Variants in CPNE2 observed in about 807,000 individuals in gnomAD.
CPNE2 encodes the protein copine 2.
Under a neutral mutation model 69.7 loss-of-function variants are expected in CPNE2, and 42 were observed. The observed-to-expected ratio is 0.60, with a 90% confidence interval of 0.47 to 0.78. CPNE2 has a LOEUF of 0.78. Among genes scored for constraint, CPNE2 ranks in the 30% least tolerant of loss-of-function variants. CPNE2 has a pLI of 0.00. For missense variants in CPNE2, 587 were observed against 732.0 expected (o/e 0.80, Z 2.29); for synonymous variants, 294 against 289.8 (o/e 1.01, Z -0.15).
intron 11 of CPNE2, among the ~76,000 whole-genome samples, chr16:57,126,710 A>T (rs1278008370): frequency 6.6e-6 from 1 of 152,126 alleles, no homozygotes. Context: ...CAGGCTCAGG[A>T]GCCCTGTGTG....
intron 12 of CPNE2, 125 bp downstream of exon 12, chr16:57,128,028 C>G (rs2069812748): frequency 2.2e-6 from 2 of 891,410 alleles, no homozygotes; most frequent in Non-Finnish European, 3.6e-6. Context: ...TGTGTTCACC[C>G]CAGGCCACGC....
chr16:57,140,435 G>T (rs2069913145), intron 14 of CPNE2, among the ~76,000 whole-genome samples: 1 of 152,048 alleles, frequency 6.6e-6, no homozygotes, highest in Non-Finnish European at 1.5e-5. Flanking sequence ...GCCTCCCAAA[G>T]TGCTGGGATT....
chr16:57,147,554 G>A lies in CPNE2; in HGVS notation c.1543G>A (p.Ala515Thr). 1 of 1,599,464 alleles carries A rather than the reference G, an allele frequency of 6.3e-7. No individual in the cohort carries two copies. The highest frequency in any genetic ancestry group is 8.5e-7 in the Non-Finnish European group (1 of 1,170,448). ...FVPFREFRNA[A>T]KETLAKAVLA... ...CCCACCCTCCTCCACCCTGCAGGCAGCAAAAGAGACCTTGGCCAAAGCTGT... is the reference window on the plus strand; with the variant it reads ...CCCACCCTCCTCCACCCTGCAGGCAACAAAAGAGACCTTGGCCAAAGCTGT... The change falls in exon 16 of 16, where the codon GCA becomes ACA. Residue 515 changes from alanine to threonine, a missense_variant. Ala to Thr is a moderately conservative substitution (Grantham distance 58, BLOSUM62 0). Transcript: ENST00000290776.
rs55845635 is a variant in CPNE2 at position 57,114,934 on chromosome 16, C to CAAAAAAAA, written c.361-523_361-516dup. On this transcript the variant is annotated intron_variant, in intron 3 of 15. Coordinates refer to ENST00000290776, the MANE Select transcript of CPNE2 (RefSeq NM_152727.6). ...CAACATAATGAGCCCTTGTCTCTACCAAAAAAAAAAAAAAAAAAAAAAAAA... is the reference window on the plus strand; with the variant it reads ...CAACATAATGAGCCCTTGTCTCTACCAAAAAAAAAAAAAAAAAAAAAAAAAAAAAAAAA... Among the ~76,000 whole-genome samples the CAAAAAAAA allele has an allele frequency of 1.1e-3, 44 of 39,068 alleles. 11 individuals are homozygous for CAAAAAAAA. The highest frequency in any genetic ancestry group is 7.5e-3 in the East Asian group (7 of 932). 25.6% of individuals were successfully genotyped at this position (39,068 alleles called of 152,430 possible).
chr16:57,147,496 C>T (rs1023396823), intron 15 of CPNE2, 55 bp from the exon 16 acceptor site: 31 of 1,307,960 alleles, frequency 2.4e-5, no homozygotes, highest in Middle Eastern at 1.9e-4. Context: ...TCACAACTTC[C>T]GGTCATTAAT....
At chr16:57,128,684 C>T (rs1485727768) in intron 12 of CPNE2, among the ~76,000 whole-genome samples, 1 of 152,122 alleles carries the variant, frequency 6.6e-6, no homozygotes, top group Non-Finnish European at 1.5e-5. Context: ...GAAATATGGA[C>T]TTTTAGTGTA....
chr16:57,144,044 T>TATTGAGG (rs2069940381), intron 14 of CPNE2: 1 of 152,144 alleles, frequency 6.6e-6, no homozygotes, highest in Non-Finnish European at 1.5e-5. Context: ...TTTCTGATGG[T>TATTGAGG]ATTGAGGTGG....
chr16:57,103,545 GGAATGGGGGCT>G (rs1326942760), intron 1 of CPNE2, among the ~76,000 whole-genome samples: 3 of 152,172 alleles, frequency 2.0e-5, no homozygotes, highest in Non-Finnish European at 4.4e-5. Context: ...ACCAGCCTCT[GGAATGGGGGCT>G]GCCTCCCTGG....
chr16:57,124,538 A>C, intron 10 of CPNE2: 1 of 353,220 alleles, frequency 2.8e-6, no homozygotes, highest in Middle Eastern at 4.5e-4. Context: ...ATCACACAGT[A>C]ACTGGCACAT....
intron 4 of CPNE2, among the ~76,000 whole-genome samples, chr16:57,116,694 T>G (rs898511713): frequency 6.6e-6 from 1 of 151,920 alleles, no homozygotes; most frequent in Non-Finnish European, 1.5e-5. Flanking sequence ...CCCTGGGAAA[T>G]GGGGGTGATA....
chr16:57,109,532 G>C (rs1467966579), intron 1 of CPNE2, among the ~76,000 whole-genome samples: 3 of 151,858 alleles, frequency 2.0e-5, no homozygotes, highest in African/African-American at 7.3e-5. Flanking sequence ...CATAGACAGA[G>C]TAGCCCCAAG....
chr16:57,137,474 G>A (rs2069891410), intron 14 of CPNE2, among the ~76,000 whole-genome samples, 192 bp downstream of exon 14: 1 of 152,224 alleles, frequency 6.6e-6, no homozygotes, highest in African/African-American at 2.4e-5. Context: ...ACAGACTGGA[G>A]AAAGCAAATC....
chr16:57,134,047 G>A lies in CPNE2; in HGVS notation c.1117-728G>A, dbSNP rs58274386. ...TGCAGTCTCACCCACAGCCCTGAAC[G>A]GGGCCAGTTATGAGTCCTTCTATAC... On this transcript the variant is annotated intron_variant, in intron 12 of 15. Transcript: ENST00000290776. Among the ~76,000 whole-genome samples, 566 of 152,272 alleles carry A rather than the reference G, an allele frequency of 3.7e-3. 3 individuals are homozygous for A. Among genetic ancestry groups the A allele is most frequent in the African/African-American group, 0.011 (477 of 41,554 alleles).
At chr16:57,117,847 G>A (rs983161868) in intron 5 of CPNE2, among the ~76,000 whole-genome samples, 15 of 152,154 alleles carry the variant, frequency 9.9e-5, no homozygotes, top group African/African-American at 3.6e-4. Context: ...TTACCCAATG[G>A]GGCCCTGCCT....
intron 15 of CPNE2, 154 bp from the exon 16 acceptor site, chr16:57,147,397 G>A (rs1220511995): frequency 4.3e-6 from 2 of 464,612 alleles, no homozygotes; most frequent in Non-Finnish European, 7.6e-6. Context: ...CTGAGATGAG[G>A]GATGCCACTT....
At chr16:57,112,254 C>T (rs1401642771) in intron 2 of CPNE2, among the ~76,000 whole-genome samples, 1 of 152,206 alleles carries the variant, frequency 6.6e-6, no homozygotes, top group East Asian at 1.9e-4. Context: ...GTTGATGGTA[C>T]AACTGTAAGT....
intron 3 of CPNE2, 69 bp from the exon 4 acceptor site, chr16:57,115,407 G>A: frequency 3.1e-6 from 4 of 1,295,614 alleles, no homozygotes; most frequent in South Asian, 2.4e-5. Context: ...TCCGGTGCCG[G>A]TGGAGGATTT....
intron 14 of CPNE2, among the ~76,000 whole-genome samples, chr16:57,138,424 GCCCTGCCAAAAA>G (rs2069898509): frequency 6.6e-6 from 1 of 152,072 alleles, no homozygotes; most frequent in African/African-American, 2.4e-5. Flanking sequence ...TCCAGCCGCT[GCCCTGCCAAAAA>G]CCCTTCGCCA....
In CPNE2 at chr16:57,110,813, G is replaced by A. The variant is rs368400508; in HGVS notation, c.71G>A (p.Cys24Tyr). The change falls in exon 2 of 16, where the codon TGC (cysteine) becomes TAC (tyrosine). Residue 24 changes from cysteine to tyrosine, a missense_variant. By Grantham distance (194) the Cys-to-Tyr change is radical (BLOSUM62 -2). Coordinates refer to ENST00000290776, the MANE Select transcript of CPNE2 (RefSeq NM_152727.6). ...CCCATGGGCCCCCAGTATTGCGTGT[G>A]CAAGGTGGAGCTGTCAGTGAGTGGC... Reference protein sequence around the residue: ...AAPMGPQYCVCKVELSVSGQN... With the variant: ...AAPMGPQYCVYKVELSVSGQN... The A allele has an allele frequency of 6.8e-5, 109 of 1,613,892 alleles. No individual in the cohort carries two copies. The highest frequency in any genetic ancestry group is 1.1e-4 in the East Asian group (5 of 44,882).
Sources: allele counts gnomAD v4.1 joint callset (sites outside exome capture counted in the v4.1 genomes callset), GRCh38; gene constraint gnomAD v4.1.1; transcripts MANE v1.5; gene names NCBI Gene and HGNC (gene_info 2026-07-23, HGNC 2026-07-21).